The following WDFY3 variants were observed in gnomAD, a reference collection of about 807,000 sequenced individuals.
WDFY3 encodes WD repeat and FYVE domain-containing protein 3.
A neutral mutation model predicts 409.6 loss-of-function variants in WDFY3; 66 were observed. The observed-to-expected ratio is 0.16, with a 90% CI of 0.13 to 0.20. The LOEUF (loss-of-function observed/expected upper bound fraction) is 0.20, where lower values mean the gene tolerates loss of function less well. Ranked by LOEUF, WDFY3 falls within the 10% of genes least tolerant of loss-of-function variation. WDFY3 has a pLI of 1.00. For synonymous variants in WDFY3, 1,521 were observed against 1,537.1 expected, an observed-to-expected ratio of 0.99 and a Z score of 0.25; for missense variants, 3,031 against 4,298.1, an observed-to-expected ratio of 0.71 and a Z score of 8.24.
At chr4:84,700,962 G>T (rs559269654) in intron 56 of WDFY3, among the ~76,000 whole-genome samples, 4 of 152,142 alleles carry the variant, frequency 2.6e-5, no homozygotes, top group Non-Finnish European at 5.9e-5. Context: ...ATTTGAAAAA[G>T]AATTAGCCAG....
chr4:84,680,949 G>C (rs2148769260), intron 64 of WDFY3, among the ~76,000 whole-genome samples: 1 of 152,252 alleles, frequency 6.6e-6, no homozygotes. Context: ...TATTTTCTTA[G>C]CAAGACAAAT....
At chr4:84,683,310 G>C (rs778563191) in intron 63 of WDFY3, among the ~76,000 whole-genome samples, 10 of 152,196 alleles carry the variant, frequency 6.6e-5, no homozygotes, top group Non-Finnish European at 1.2e-4. Context: ...TCTGACTAAA[G>C]AGGGTGGTAA....
At chr4:84,831,705 A>G in intron 7 of WDFY3, 100 bp from the exon 8 acceptor site, 1 of 1,105,526 alleles carries the variant, frequency 9.0e-7, no homozygotes, top group Non-Finnish European at 1.3e-6. Flanking sequence ...TCTCAAAAGA[A>G]GACATAGAAA....
At chr4:84,804,508 C>A (rs1320491402) in intron 15 of WDFY3, among the ~76,000 whole-genome samples, 1 of 152,220 alleles carries the variant, frequency 6.6e-6, no homozygotes, top group African/African-American at 2.4e-5. Context: ...AAAAGGCACA[C>A]AGGCTCTCCT....
chr4:84,751,325 C>T, intron 36 of WDFY3, 158 bp downstream of exon 36: 1 of 712,624 alleles, frequency 1.4e-6, no homozygotes, highest in Non-Finnish European at 2.3e-6. Context: ...GGGTTTAAAG[C>T]ACATGTGGGA....
chr4:84,736,408 A>G, intron 41 of WDFY3, 81 bp from the exon 42 acceptor site: 3 of 1,349,776 alleles, frequency 2.2e-6, no homozygotes, highest in Non-Finnish European at 3.0e-6. Context: ...TCTGGTTATA[A>G]ACTACAACCC....
intron 3 of WDFY3, among the ~76,000 whole-genome samples, chr4:84,894,807 G>A (rs989823807): frequency 1.3e-5 from 2 of 151,524 alleles, no homozygotes; most frequent in African/African-American, 2.4e-5. Flanking sequence ...AAAATTAGCC[G>A]GTTGTAGTGG....
intron 56 of WDFY3, among the ~76,000 whole-genome samples, chr4:84,701,778 A>G (rs969597168): frequency 2.6e-5 from 4 of 152,224 alleles, no homozygotes; most frequent in Non-Finnish European, 5.9e-5. Context: ...GAGTCCTTAC[A>G]GGATAAAGAA....
rs1414694295 is a variant in WDFY3, at chr4:84,797,986, C to T, written c.2935+10G>A. Reference sequence around the variant, plus strand: ...TAAAATAAATCAAAAAAGGGAATTTCAAAACTTACTTCTCATTTCTGGTTC... The same window carrying T: ...TAAAATAAATCAAAAAAGGGAATTTTAAAACTTACTTCTCATTTCTGGTTC... On this transcript the variant is annotated intron_variant, in intron 18 of 67. Transcript: ENST00000295888. The T allele has an allele frequency of 1.9e-6, 3 of 1,587,988 alleles. No homozygotes were observed. The South Asian group carries it at 3.5e-5, about 18-fold the overall frequency.
At chr4:84,934,414 T>C (rs1332669399) in intron 1 of WDFY3, among the ~76,000 whole-genome samples, 1 of 152,202 alleles carries the variant, frequency 6.6e-6, no homozygotes, top group African/African-American at 2.4e-5. Flanking sequence ...GGGTAGTTTC[T>C]AAGAAATATC....
At chr4:84,836,100 G>A (rs1052610332) in intron 7 of WDFY3, among the ~76,000 whole-genome samples, 1 of 152,078 alleles carries the variant, frequency 6.6e-6, no homozygotes, top group African/African-American at 2.4e-5. Flanking sequence ...GTACACTGCT[G>A]TGCAACAGAA....
intron 7 of WDFY3, among the ~76,000 whole-genome samples, chr4:84,832,283 A>T (rs2149938372): frequency 6.6e-6 from 1 of 152,294 alleles, no homozygotes. Context: ...AGAAGTTTAA[A>T]AAGTTGATCT....
chr4:84,888,455 A>G (rs569270759), intron 3 of WDFY3, among the ~76,000 whole-genome samples: 3 of 152,316 alleles, frequency 2.0e-5, no homozygotes, highest in African/African-American at 4.8e-5. Context: ...ATAACTTTAG[A>G]AAAAAACTCC....
At position 84,789,716 on chromosome 4, in the gene WDFY3, A is replaced by C. The variant is rs777958387; in HGVS notation, c.3669+10T>G. 3 of 1,613,644 alleles carry C rather than the reference A, an allele frequency of 1.9e-6. No homozygotes were observed. In the Admixed American group the frequency reaches 5.0e-5, roughly 27 times the overall value. On this transcript the variant is annotated intron_variant, in intron 22 of 67. Coordinates refer to ENST00000295888, the MANE Select transcript of WDFY3 (RefSeq NM_014991.6). ...AAAACAGGTAGATTTACAAGTGCAC[A>C]TACACTTACCTTTACAGTGTTAACA...
At chr4:84,953,071 A>G (rs902040914) in intron 1 of WDFY3, among the ~76,000 whole-genome samples, 3 of 152,098 alleles carry the variant, frequency 2.0e-5, no homozygotes, top group African/African-American at 4.8e-5. Context: ...ACTATGGTGT[A>G]TAATAAAAAA....
chr4:84,785,908 T>A (rs1180799166), intron 24 of WDFY3, 71 bp downstream of exon 24: 1 of 1,534,152 alleles, frequency 6.5e-7, no homozygotes, highest in African/African-American at 1.4e-5. Context: ...TTGAGTAGTA[T>A]CCATATGAGA....
intron 3 of WDFY3, among the ~76,000 whole-genome samples, chr4:84,862,536 CTT>C (rs2150223711): frequency 6.6e-6 from 1 of 152,236 alleles, no homozygotes; most frequent in Admixed American, 6.5e-5. Flanking sequence ...CAGAACAAAA[CTT>C]AAATTTGAAG....
intron 33 of WDFY3, among the ~76,000 whole-genome samples, chr4:84,756,322 C>T (rs1202038040): frequency 7.2e-5 from 11 of 151,998 alleles, no homozygotes; most frequent in African/African-American, 2.4e-4. Flanking sequence ...CAGTGGCTCG[C>T]GCCTGTAATC....
chr4:84,681,171 G>A (rs1224395606), intron 64 of WDFY3, among the ~76,000 whole-genome samples: 1 of 152,102 alleles, frequency 6.6e-6, no homozygotes, highest in African/African-American at 2.4e-5. Context: ...AATCCTTCCT[G>A]TGGGCTGTTC....
Sources: gnomAD v4.1 joint callset for allele counts (sites outside exome capture counted in the v4.1 genomes callset) on GRCh38, gnomAD v4.1.1 for gene constraint, MANE v1.5 for transcripts, NCBI Gene and HGNC (gene_info 2026-07-23, HGNC 2026-07-21) for gene names.